Variants in RAB3B observed in about 807,000 individuals in gnomAD.
RAB3B encodes the protein RAB3B, member RAS oncogene family, also known as ras-related protein Rab-3B.
A neutral mutation model predicts 20.5 loss-of-function variants in RAB3B; 11 were observed. The ratio of observed to expected loss-of-function variants is 0.54; its 90% CI spans 0.34 to 0.89. The LOEUF is 0.89. Among genes scored for constraint, RAB3B ranks in the 40% least tolerant of loss-of-function variants. The pLI is 0.02. For missense variants in RAB3B, 225 were observed against 280.9 expected, an observed-to-expected ratio of 0.80 and a Z score of 1.42; for synonymous variants, 99 against 106.3, an observed-to-expected ratio of 0.93 and a Z score of 0.42.
chr1:51,943,873 C>T (rs1684528422), intron 2 of RAB3B, among the ~76,000 whole-genome samples: 1 of 152,188 alleles, frequency 6.6e-6, no homozygotes, highest in Non-Finnish European at 1.5e-5. Context: ...TTTTCATAAC[C>T]TAAAAGTGCA....
intron 2 of RAB3B, among the ~76,000 whole-genome samples, chr1:51,943,472 T>A (rs779010264): frequency 3.3e-5 from 5 of 152,180 alleles, no homozygotes; most frequent in Admixed American, 2.0e-4. Flanking sequence ...GTTACACATC[T>A]CTTGCTTTAA....
Position 51,954,669 on chromosome 1 carries a change from A to T in RAB3B, c.229-17257T>A, listed in dbSNP as rs558408602. On this transcript the variant is annotated intron_variant, in intron 2 of 4. Transcript: ENST00000371655. ...TGTGTTTGAAATTTTCCATAATAAA[A>T]TAGCTTAAAAAAATAGAGAAGCCTG... Among the ~76,000 whole-genome samples the T allele has an allele frequency of 9.8e-5, 15 of 152,332 alleles. 1 individual carries two copies. The South Asian group carries it at 3.1e-3, about 32-fold the overall frequency.
chr1:51,972,181 A>G (rs1474574312), intron 2 of RAB3B, among the ~76,000 whole-genome samples: 1 of 152,222 alleles, frequency 6.6e-6, no homozygotes, highest in Non-Finnish European at 1.5e-5. Flanking sequence ...TCTCAAAGAA[A>G]AAAAAGCAGT....
chr1:51,961,482 G>A (rs1317855094), intron 2 of RAB3B, among the ~76,000 whole-genome samples: 1 of 152,026 alleles, frequency 6.6e-6, no homozygotes, highest in African/African-American at 2.4e-5. Context: ...CACTCTGGTG[G>A]CAAACATCCC....
chr1:51,930,927 G>C (rs1684314474), intron 4 of RAB3B, among the ~76,000 whole-genome samples: 1 of 152,016 alleles, frequency 6.6e-6, no homozygotes, highest in Admixed American at 6.6e-5. Flanking sequence ...TGAGGCAGGA[G>C]AATCACTTGA....
At position 51,910,315 on chromosome 1, in the gene RAB3B, G is replaced by A. The variant is rs1413275244; in HGVS notation, c.*9612C>T. On this transcript the variant is annotated 3_prime_UTR_variant, in exon 5 of 5. Coordinates refer to ENST00000371655, the MANE Select transcript of RAB3B (RefSeq NM_002867.4). ...TGCCCAGCTCAGCCTGGCACACACG[G>A]GTCCATAAATTAAGTCCTCCTTGAG... The A allele has an allele frequency of 6.6e-6, 1 of 152,114 alleles. No homozygotes were observed. The highest frequency in any genetic ancestry group is 1.5e-5 in the Non-Finnish European group (1 of 68,032). 9.4% of individuals were successfully genotyped at this position (152,114 alleles called of 1,614,324 possible). A position where few individuals can be genotyped will look rare whatever the true frequency, so the allele number is the denominator to read the frequency against.
intron 2 of RAB3B, among the ~76,000 whole-genome samples, chr1:51,953,109 A>G (rs189414380): frequency 1.3e-5 from 2 of 152,342 alleles, no homozygotes; most frequent in Admixed American, 1.3e-4. Flanking sequence ...GCAGTATTCT[A>G]AAGATGCCTG....
chr1:51,926,878 G>A (rs1023616110), intron 4 of RAB3B, among the ~76,000 whole-genome samples: 3 of 152,116 alleles, frequency 2.0e-5, no homozygotes, highest in African/African-American at 7.2e-5. Flanking sequence ...AAATGCAAGT[G>A]GTCTGGACTC....
intron 4 of RAB3B, among the ~76,000 whole-genome samples, chr1:51,931,298 C>T (rs1464333750): frequency 6.6e-6 from 1 of 152,140 alleles, no homozygotes; most frequent in Non-Finnish European, 1.5e-5. Flanking sequence ...CTTCAAGACT[C>T]CACTTGGGCA....
chr1:51,960,828 G>C, intron 2 of RAB3B, among the ~76,000 whole-genome samples: 1 of 152,180 alleles, frequency 6.6e-6, no homozygotes, highest in East Asian at 1.9e-4. Context: ...GTAACCCTAA[G>C]ATCAGTCACA....
In RAB3B at chr1:51,937,377, T is replaced by C. The variant is rs534595946; in HGVS notation, c.264A>G (p.Thr88=). ...TAGQERYRTI[T]TAYYRGAMGF... The stretch of plus-strand genomic sequence containing the variant: ...CCATGGCCCCACGGTAATAGGCTGT[T>C]GTGATGGTCCGGTACCGCTCCTGCC... The change falls in exon 3 of 5, where the codon ACA becomes ACG. Residue 88 remains threonine, a synonymous_variant. Coordinates refer to ENST00000371655, the MANE Select transcript of RAB3B (RefSeq NM_002867.4). The C allele has an allele frequency of 4.0e-5, 64 of 1,612,746 alleles. No individual in the cohort carries two copies. The East Asian group carries it at 1.3e-3, about 32-fold the overall frequency.
chr1:51,927,804 A>T (rs1007144562), intron 4 of RAB3B, among the ~76,000 whole-genome samples: 9 of 152,222 alleles, frequency 5.9e-5, no homozygotes, highest in African/African-American at 1.9e-4. Context: ...TCTTGCCTCA[A>T]AACAAAATAA....
intron 2 of RAB3B, among the ~76,000 whole-genome samples, chr1:51,954,230 G>C (rs1338640143): frequency 1.3e-5 from 2 of 152,186 alleles, no homozygotes; most frequent in Non-Finnish European, 2.9e-5. Context: ...TTCATCTTTT[G>C]TATAAAGTAC....
intron 2 of RAB3B, among the ~76,000 whole-genome samples, chr1:51,961,647 T>A (rs1292409047): frequency 6.6e-6 from 1 of 152,214 alleles, no homozygotes; most frequent in African/African-American, 2.4e-5. Flanking sequence ...GTAAAGTATG[T>A]AATTGCTGCC....
chr1:51,973,683 A>G (rs1432832947), intron 2 of RAB3B: 4 of 152,256 alleles, frequency 2.6e-5, no homozygotes, highest in African/African-American at 9.6e-5. Flanking sequence ...TTTAAAAGCC[A>G]CATATCCATT....
At chr1:51,974,845 T>C (rs935005325) in intron 2 of RAB3B, among the ~76,000 whole-genome samples, 1 of 152,218 alleles carries the variant, frequency 6.6e-6, no homozygotes, top group African/African-American at 2.4e-5. Flanking sequence ...AAGTACTACA[T>C]ACAGACTGCC....
At chr1:51,944,474 T>C (rs1013283000) in intron 2 of RAB3B, among the ~76,000 whole-genome samples, 3 of 152,182 alleles carry the variant, frequency 2.0e-5, no homozygotes, top group Admixed American at 1.3e-4. Context: ...GCAAAGTAAA[T>C]TGAAAACTTT....
At chr1:51,960,492 A>G (rs1355148179) in intron 2 of RAB3B, among the ~76,000 whole-genome samples, 1 of 152,216 alleles carries the variant, frequency 6.6e-6, no homozygotes, top group Non-Finnish European at 1.5e-5. Context: ...AAGAGTTTCC[A>G]GCTGTCGCCT....
At position 51,919,392 on chromosome 1, in the gene RAB3B, A is replaced by C. The variant is rs1382045475; in HGVS notation, c.*535T>G. On this transcript the variant is annotated 3_prime_UTR_variant, in exon 5 of 5. Transcript: ENST00000371655. ...CTTCCTGTCGCCACAGCAACTGCCCAGGCCCTGTGGGCATCCGTGGTAACA... is the reference window on the plus strand; with the variant it reads ...CTTCCTGTCGCCACAGCAACTGCCCCGGCCCTGTGGGCATCCGTGGTAACA... 1 of 152,616 alleles carries C rather than the reference A, an allele frequency of 6.6e-6. No homozygotes were observed. The highest frequency in any genetic ancestry group is 1.5e-5 in the Non-Finnish European group (1 of 68,314). The allele number at this position is 152,616 out of a possible 1,614,324, so 9.5% of individuals were successfully genotyped here.
Sources: gnomAD v4.1 joint callset for allele counts (sites outside exome capture counted in the v4.1 genomes callset) on GRCh38, gnomAD v4.1.1 for gene constraint, MANE v1.5 for transcripts, NCBI Gene and HGNC (gene_info 2026-07-23, HGNC 2026-07-21) for gene names.